CHCHD4: variants seen among roughly 807,000 people sequenced by gnomAD.
CHCHD4 encodes the protein mitochondrial intermembrane space import and assembly protein 40.
CHCHD4 carries 7 observed loss-of-function variants against 12.4 expected under a neutral mutation model. The observed-to-expected ratio is 0.57, with a 90% CI of 0.32 to 1.06. CHCHD4 has a LOEUF of 1.06. CHCHD4 is among the 50% of genes least tolerant of loss of function. The probability of loss-of-function intolerance (pLI) is 0.04; values close to 1 mark genes in which losing one functional copy is unlikely to be tolerated. For synonymous variants in CHCHD4, 56 were observed against 58.0 expected (o/e 0.97, Z 0.16); for missense variants, 143 against 175.1 (o/e 0.82, Z 1.03).
At chr3:14,113,261 C>T in intron 2 of CHCHD4, 67 bp from the exon 3 acceptor site, 2 of 1,329,828 alleles carry the variant, frequency 1.5e-6, no homozygotes, top group East Asian at 4.6e-5. Context: ...CCAGTCCTCA[C>T]AGGCTACTGA....
chr3:14,115,358 T>TCATTTGGGTTTAAA (rs564313346), intron 2 of CHCHD4, among the ~76,000 whole-genome samples: 1 of 151,172 alleles, frequency 6.6e-6, no homozygotes, highest in African/African-American at 2.5e-5. Flanking sequence ...TTAATAACAC[T>TCATTTGGGTTTAAA]GTGAGGCAAA....
chr3:14,113,134 C>T lies in CHCHD4; in HGVS notation c.182G>A (p.Ser61Asn). Residue 61 changes from serine (S) to asparagine (N), a missense_variant, in exon 3 of 3, where the codon AGC (serine) becomes AAC (asparagine). Coordinates refer to ENST00000396914, the MANE Select transcript of CHCHD4 (RefSeq NM_001098502.2). Reference sequence around the variant, plus strand: ...CTTAAACTGTTCTCCACAGGGACCGCTGGCCATTCCCCCAAGGCATGGGCA... The same window carrying T: ...CTTAAACTGTTCTCCACAGGGACCGTTGGCCATTCCCCCAAGGCATGGGCA... ...WNCPCLGGMASGPCGEQFKSA... is the reference protein window; with the variant it reads ...WNCPCLGGMANGPCGEQFKSA... 1 of 1,614,078 alleles carries T rather than the reference C, an allele frequency of 6.2e-7. No homozygotes were observed. The highest frequency in any genetic ancestry group is 8.5e-7 in the Non-Finnish European group (1 of 1,180,008).
At chr3:14,123,444 T>C (rs145341873) in intron 1 of CHCHD4, among the ~76,000 whole-genome samples, 1 of 152,224 alleles carries the variant, frequency 6.6e-6, no homozygotes, top group South Asian at 2.1e-4. Context: ...AGAGTGAGTC[T>C]TATGGCTTTA....
chr3:14,113,779 C>T (rs1022203700), intron 2 of CHCHD4, among the ~76,000 whole-genome samples: 2 of 152,154 alleles, frequency 1.3e-5, no homozygotes, highest in South Asian at 2.1e-4. Context: ...ACCATTAGTG[C>T]GAGTGCATTC....
chr3:14,122,507 G>C (rs1473643316), intron 1 of CHCHD4, among the ~76,000 whole-genome samples: 1 of 152,250 alleles, frequency 6.6e-6, no homozygotes, highest in Admixed American at 6.5e-5. Context: ...CAAGGCCCAG[G>C]TGCGAGGCTG....
rs745845932 is a variant in CHCHD4, at chr3:14,116,487, A to G, written c.60T>C (p.His20=). Residue 20 remains histidine (H), a synonymous_variant, in exon 2 of 3, where the codon CAT becomes CAC. Transcript: ENST00000396914. Reference sequence around the variant, plus strand: ...CCAATTCTGCACTGCTTGGAGTTTCATGATCTTCTTTGGTTACAAATATGA... The same window carrying G: ...CCAATTCTGCACTGCTTGGAGTTTCGTGATCTTCTTTGGTTACAAATATGA... ...DRIIFVTKED[H]ETPSSAELVA... 27 of 1,613,624 alleles carry G rather than the reference A, an allele frequency of 1.7e-5. No homozygotes were observed. The highest frequency in any genetic ancestry group is 2.3e-5 in the Non-Finnish European group (27 of 1,179,560).
At position 14,112,815 on chromosome 3, in the gene CHCHD4, G is replaced by A; in HGVS notation, c.*72C>T. ...AGGACAACAGAAGGAAACTTTCTTG[G>A]AAGGTGATGACAAGGCCTTTTGCAA... On this transcript the variant is annotated 3_prime_UTR_variant, in exon 3 of 3. Coordinates refer to ENST00000396914, the MANE Select transcript of CHCHD4 (RefSeq NM_001098502.2). 1 of 1,373,368 alleles carries A rather than the reference G, an allele frequency of 7.3e-7. No individual in the cohort carries two copies. The highest frequency in any genetic ancestry group is 9.9e-7 in the Non-Finnish European group (1 of 1,005,326). The allele number at this position is 1,373,368 out of a possible 1,614,324, so 85.1% of individuals were successfully genotyped here. A position where few individuals can be genotyped will look rare whatever the true frequency, so the allele number is the denominator to read the frequency against.
intron 1 of CHCHD4, among the ~76,000 whole-genome samples, chr3:14,121,341 C>T (rs1694931810): frequency 6.6e-6 from 1 of 152,202 alleles, no homozygotes; most frequent in South Asian, 2.1e-4. Flanking sequence ...CGAGATGACG[C>T]TACTCCTGCT....
In CHCHD4 at chr3:14,113,040, C is replaced by T. The variant is rs747733947; in HGVS notation, c.276G>A (p.Arg92=). 1 of 1,613,962 alleles carries T rather than the reference C, an allele frequency of 6.2e-7. No homozygotes were observed. Among genetic ancestry groups the T allele is most frequent in the East Asian group, 2.2e-5 (1 of 44,852 alleles). Reference sequence around the variant, plus strand: ...ATTTCTGCATGCATTCCTGCATGGCCCGGAACTGGTCTACACAGTCTGACC... The same window carrying T: ...ATTTCTGCATGCATTCCTGCATGGCTCGGAACTGGTCTACACAGTCTGACC... The part of the protein sequence containing the change: ...IKGSDCVDQF[R]AMQECMQKYP... The change falls in exon 3 of 3, where the codon CGG becomes CGA. Residue 92 remains arginine, a synonymous_variant. Transcript: ENST00000396914.
intron 1 of CHCHD4, among the ~76,000 whole-genome samples, chr3:14,122,269 ACAGT>A (rs1343972449): frequency 6.6e-6 from 1 of 152,178 alleles, no homozygotes; most frequent in Non-Finnish European, 1.5e-5. Context: ...GTCACCTATG[ACAGT>A]CTGTAATCAT....
In CHCHD4 at chr3:14,119,920, A is replaced by G. The variant is rs1694914583; in HGVS notation, c.23-3396T>C. Among the ~76,000 whole-genome samples the G allele has an allele frequency of 2.0e-5, 3 of 152,356 alleles. 1 individual carries two copies. The Middle Eastern group carries it at 0.01, about 518-fold the overall frequency. ...GCTGTCAGCTGGAATCCCACTTGAC[A>G]GCAATTTTTAAAGGGCATCAAGGAT... is the stretch of plus-strand genomic sequence containing the variant. On this transcript the variant is annotated intron_variant, in intron 1 of 2. Transcript: ENST00000396914.
rs201434629 is a variant in CHCHD4 at position 14,115,815 on chromosome 3, G to GCA, written c.121+609_121+610dup. On this transcript the variant is annotated intron_variant, in intron 2 of 2. Coordinates refer to ENST00000396914, the MANE Select transcript of CHCHD4 (RefSeq NM_001098502.2). ...AATACGTAGATTGTTCATGGACACT[G>GCA]CACACACACATCCACCTCACACGGT... 4.3e-3 allele frequency among the ~76,000 whole-genome samples: 661 copies of GCA among 152,296 alleles called. 10 individuals carry two copies. The highest frequency in any genetic ancestry group is 0.015 in the African/African-American group (623 of 41,556).
intron 1 of CHCHD4, among the ~76,000 whole-genome samples, chr3:14,121,514 C>T (rs1694934172): frequency 6.6e-6 from 1 of 152,182 alleles, no homozygotes; most frequent in Non-Finnish European, 1.5e-5. Flanking sequence ...AAGGAATGCC[C>T]CTGTGTCCTG....
intron 1 of CHCHD4, among the ~76,000 whole-genome samples, chr3:14,124,374 C>G (rs1694977363): frequency 6.6e-6 from 1 of 152,208 alleles, no homozygotes; most frequent in Non-Finnish European, 1.5e-5. Context: ...CGTGCCCCAA[C>G]CGGACCTAGT....
chr3:14,122,844 G>A (rs1694951086), intron 1 of CHCHD4, among the ~76,000 whole-genome samples: 1 of 152,166 alleles, frequency 6.6e-6, no homozygotes, highest in Non-Finnish European at 1.5e-5. Flanking sequence ...TAAAGGATGA[G>A]GAGTCAGCCA....
At chr3:14,122,163 T>C in intron 1 of CHCHD4, 2 of 1,484,278 alleles carry the variant, frequency 1.3e-6, no homozygotes, top group Non-Finnish European at 1.8e-6. Flanking sequence ...CTTAAGAAAG[T>C]GGCATTTAAA....
At chr3:14,122,182 T>A in intron 1 of CHCHD4, 1 of 1,460,304 alleles carries the variant, frequency 6.8e-7, no homozygotes, top group Non-Finnish European at 9.0e-7. Flanking sequence ...AAAGGATGTC[T>A]GAAGCCTCAG....
At position 14,124,673 on chromosome 3, in the gene CHCHD4, A is replaced by G; in HGVS notation, c.4T>C (p.Ser2Pro). 6.5e-7 allele frequency: 1 copy of G among 1,529,844 alleles called. No individual in the cohort carries two copies. The highest frequency in any genetic ancestry group is 8.8e-7 in the Non-Finnish European group (1 of 1,140,830). 94.8% of individuals were successfully genotyped at this position (1,529,844 alleles called of 1,614,324 possible). The change falls in exon 1 of 3, where the codon TCC becomes CCC. Residue 2 changes from serine (S) to proline (P), a missense_variant. By Grantham distance (74) the Ser-to-Pro change is moderately conservative (BLOSUM62 -1). Coordinates refer to ENST00000396914, the MANE Select transcript of CHCHD4 (RefSeq NM_001098502.2). The part of the protein sequence containing the change: M[S>P]YCRQEGKDRI... ...TCCCTACCTTCCTGCCGGCAATAGG[A>G]CATGGCTGCAGCCCGTCCCTGAGAC...
intron 1 of CHCHD4, among the ~76,000 whole-genome samples, chr3:14,118,734 T>C (rs1346819887): frequency 2.6e-5 from 4 of 152,198 alleles, no homozygotes; most frequent in African/African-American, 7.2e-5. Flanking sequence ...CCAGGACTTG[T>C]TAAAGTACCT....
Sources: allele counts gnomAD v4.1 joint callset (sites outside exome capture counted in the v4.1 genomes callset), GRCh38; gene constraint gnomAD v4.1.1; transcripts MANE v1.5; gene names NCBI Gene and HGNC (gene_info 2026-07-23, HGNC 2026-07-21).